Variants in IQSEC3 observed in about 807,000 individuals in gnomAD.
IQSEC3 encodes the protein IQ motif and SEC7 domain-containing protein 3.
Under a neutral mutation model 105.4 loss-of-function variants are expected in IQSEC3, and 50 were observed. The observed-to-expected ratio is 0.47, with a 90% CI of 0.38 to 0.60. The LOEUF is 0.60. Among genes scored for constraint, IQSEC3 ranks in the 20% least tolerant of loss-of-function variants. The pLI, the probability that IQSEC3 is intolerant of heterozygous loss-of-function variation, is 0.00. For synonymous variants in IQSEC3, 708 were observed against 746.0 expected (o/e 0.95, Z 0.83); for missense variants, 1,415 against 1,630.0 (o/e 0.87, Z 2.27).
chr12:133,093 G>A (rs1056862762), intron 3 of IQSEC3, among the ~76,000 whole-genome samples: 17 of 152,292 alleles, frequency 1.1e-4, no homozygotes, highest in Admixed American at 7.8e-4. Context: ...TTAAGAGAGT[G>A]GACTGGGTCC....
intron 2 of IQSEC3, among the ~76,000 whole-genome samples, chr12:124,989 C>T (rs1555082768): frequency 6.6e-6 from 1 of 152,102 alleles, no homozygotes; most frequent in African/African-American, 2.4e-5. Context: ...ACAGCCGCAG[C>T]CCCCACACCT....
At chr12:154,095 G>A (rs782368971) in intron 5 of IQSEC3, among the ~76,000 whole-genome samples, 2 of 152,110 alleles carry the variant, frequency 1.3e-5, no homozygotes, top group Non-Finnish European at 2.9e-5. Flanking sequence ...TCCCCGCTTC[G>A]AGGCCCACGA....
intron 3 of IQSEC3, among the ~76,000 whole-genome samples, chr12:134,501 T>G (rs1275856943): frequency 6.6e-6 from 1 of 152,264 alleles, no homozygotes; most frequent in Admixed American, 6.5e-5. Context: ...GCAATGGATT[T>G]CATACCTTCC....
intron 5 of IQSEC3, among the ~76,000 whole-genome samples, chr12:145,667 G>A (rs1243931519): frequency 6.6e-6 from 1 of 152,244 alleles, no homozygotes; most frequent in Non-Finnish European, 1.5e-5. Flanking sequence ...GTCACGCGGT[G>A]GCAGGCCAGC....
At chr12:75,135 C>A (rs1863468058) in intron 1 of IQSEC3, among the ~76,000 whole-genome samples, 1 of 152,262 alleles carries the variant, frequency 6.6e-6, no homozygotes, top group African/African-American at 2.4e-5. Flanking sequence ...GGGGACAAAT[C>A]AACACATTTA....
chr12:130,476 C>T (rs990721723), intron 3 of IQSEC3, among the ~76,000 whole-genome samples: 6 of 152,186 alleles, frequency 3.9e-5, no homozygotes, highest in Non-Finnish European at 8.8e-5. Flanking sequence ...CTGTACCTTC[C>T]ACCATCTCTT....
At chr12:84,029 A>G (rs1190725183) in intron 1 of IQSEC3, among the ~76,000 whole-genome samples, 1 of 152,218 alleles carries the variant, frequency 6.6e-6, no homozygotes, top group Non-Finnish European at 1.5e-5. Flanking sequence ...CTAAAGTGAC[A>G]TCTTCAGGAT....
At chr12:158,433 TG>T (rs1555095209) in intron 7 of IQSEC3, among the ~76,000 whole-genome samples, 1 of 152,176 alleles carries the variant, frequency 6.6e-6, no homozygotes, top group Non-Finnish European at 1.5e-5. Flanking sequence ...TGTGTAAGCC[TG>T]AAGTTTGATG....
At chr12:92,983 G>A (rs1864136596) in intron 1 of IQSEC3, among the ~76,000 whole-genome samples, 1 of 152,342 alleles carries the variant, frequency 6.6e-6, no homozygotes. Context: ...TGAAATAAAA[G>A]GGCTGGGTCA....
At chr12:126,032 C>T in intron 3 of IQSEC3, 120 bp downstream of exon 3, 1 of 1,055,046 alleles carries the variant, frequency 9.5e-7, no homozygotes, top group African/African-American at 1.6e-5. Flanking sequence ...CCTCTTTTGC[C>T]ACAGTTCTCC....
chr12:121,772 C>T (rs1865225863), intron 2 of IQSEC3, among the ~76,000 whole-genome samples: 2 of 152,174 alleles, frequency 1.3e-5, no homozygotes, highest in African/African-American at 2.4e-5. Flanking sequence ...CCATGCCATA[C>T]GATTCTAGCT....
At chr12:78,209 G>A (rs1241408480) in intron 1 of IQSEC3, among the ~76,000 whole-genome samples, 6 of 151,322 alleles carry the variant, frequency 4.0e-5, no homozygotes, top group Non-Finnish European at 8.9e-5. Flanking sequence ...CCGCGTTCCC[G>A]GCCCGAGGGG....
chr12:153,191 AG>A (rs1163469432), intron 5 of IQSEC3, among the ~76,000 whole-genome samples: 1 of 152,094 alleles, frequency 6.6e-6, no homozygotes, highest in Non-Finnish European at 1.5e-5. Flanking sequence ...AGGTGCTTCC[AG>A]GGGGACACGG....
At chr12:143,639 AGC>A (rs1866130344) in intron 5 of IQSEC3, 1 of 153,590 alleles carries the variant, frequency 6.5e-6, no homozygotes, top group Admixed American at 7.2e-5. Context: ...CTGGGGTGCC[AGC>A]GTTCATGCAG....
intron 3 of IQSEC3, among the ~76,000 whole-genome samples, chr12:128,859 G>A (rs1555084245): frequency 6.6e-6 from 1 of 152,120 alleles, no homozygotes; most frequent in African/African-American, 2.4e-5. Flanking sequence ...TGATCCTCGG[G>A]AAAGCCTCTG....
chr12:138,638 G>T lies in IQSEC3; in HGVS notation c.1275G>T (p.Met425Ile), dbSNP rs949603316. 73 of 1,582,344 alleles carry T rather than the reference G, an allele frequency of 4.6e-5. No individual in the cohort carries two copies. Among genetic ancestry groups the T allele is most frequent in the Non-Finnish European group, 5.9e-5 (69 of 1,172,228 alleles). Residue 425 changes from methionine to isoleucine, a missense_variant, in exon 4 of 14, where the codon ATG becomes ATT. By Grantham distance (10) the Met-to-Ile change is conservative. This residue lies in a region of IQSEC3 where 720 missense variants were observed against 633.0 expected (regional missense o/e 1.14). Coordinates refer to ENST00000538872, the MANE Select transcript of IQSEC3 (RefSeq NM_001170738.2). This position sits in a 1 kb window ranked among gnomAD's most constrained non-coding sequence, Gnocchi z 7.1. ...TCAGCACGTGGAGCCTCAAGACCAT[G>T]TGCTCCCTGCGGGAGAGTGGCGCTT... ...DALSTWSLKT[M>I]CSLRESGAYQ...
In IQSEC3 at chr12:157,734, G is replaced by A. The variant is rs376745904; in HGVS notation, c.2443+40G>A. The A allele has an allele frequency of 1.5e-5, 23 of 1,584,696 alleles. No homozygotes were observed. In the East Asian group the frequency reaches 2.0e-4, roughly 14 times the overall value. ...ACTGGGGCAGGAGGGGCAAGGCCAC[G>A]GCTCAGGCCCCATTCTGTGCACCGT... is the stretch of plus-strand genomic sequence containing the variant. On this transcript the variant is annotated intron_variant, in intron 7 of 13. Transcript: ENST00000538872.
intron 13 of IQSEC3, chr12:171,524 C>G: frequency 1.7e-6 from 1 of 602,000 alleles, no homozygotes; most frequent in African/African-American, 1.9e-5. Flanking sequence ...CCAGTACTTG[C>G]TGTATCAGAA....
Position 175,512 on chromosome 12 carries a change from G to T in IQSEC3, c.*479G>T, listed in dbSNP as rs1174467143. ...TAGCTGCACTGAGGGGAGGAGGGTTGGTCCCACCCCTGGAGGGACAGGTGG... is the reference window on the plus strand; with the variant it reads ...TAGCTGCACTGAGGGGAGGAGGGTTTGTCCCACCCCTGGAGGGACAGGTGG... On this transcript the variant is annotated 3_prime_UTR_variant, in exon 14 of 14. Transcript: ENST00000538872. 6.5e-6 allele frequency: 1 copy of T among 153,686 alleles called. No individual in the cohort carries two copies. The allele number at this position is 153,686 out of a possible 1,614,324, so 9.5% of individuals were successfully genotyped here.
Sources: gnomAD v4.1 joint callset for allele counts (sites outside exome capture counted in the v4.1 genomes callset) on GRCh38, gnomAD v4.1.1 for gene constraint, gnomAD v4.1.1 regional missense constraint, Gnocchi (gnomAD v3.1) non-coding constraint, MANE v1.5 for transcripts, NCBI Gene and HGNC (gene_info 2026-07-23, HGNC 2026-07-21) for gene names.